The following EYA2 variants were observed in gnomAD, a reference collection of about 807,000 sequenced individuals.
The protein encoded by EYA2 is EYA transcriptional coactivator and phosphatase 2.
Under a neutral mutation model 69.2 loss-of-function variants are expected in EYA2, and 31 were observed. The observed-to-expected ratio is 0.45, with a 90% CI of 0.34 to 0.60. EYA2 has a LOEUF of 0.60. Ranked by LOEUF, EYA2 falls within the 20% of genes least tolerant of loss-of-function variation. The pLI, the probability that EYA2 is intolerant of heterozygous loss-of-function variation, is 0.02. For synonymous variants in EYA2, 257 were observed against 279.4 expected (o/e 0.92, Z 0.80); for missense variants, 622 against 701.2 (o/e 0.89, Z 1.28).
intron 5 of EYA2, 183 bp from the exon 6 acceptor site, chr20:47,072,002 A>G (rs2031329920): frequency 1.6e-6 from 1 of 639,698 alleles, no homozygotes; most frequent in Non-Finnish European, 2.8e-6. Context: ...ATTAGTGTCA[A>G]CAAGTCTCAC....
intron 5 of EYA2, among the ~76,000 whole-genome samples, chr20:47,025,009 G>C (rs909720876): frequency 6.6e-6 from 1 of 152,152 alleles, no homozygotes; most frequent in Admixed American, 6.5e-5. Flanking sequence ...CCTCAGTTTG[G>C]TTACATGTTC....
chr20:47,110,148 A>G (rs763967669), intron 9 of EYA2, among the ~76,000 whole-genome samples: 21 of 152,326 alleles, frequency 1.4e-4, no homozygotes, highest in Non-Finnish European at 2.6e-4. Context: ...TCATTTCCAG[A>G]GAAACTGAGG....
At chr20:47,012,904 C>CT (rs1482601971) in intron 4 of EYA2, among the ~76,000 whole-genome samples, 3 of 152,210 alleles carry the variant, frequency 2.0e-5, no homozygotes, top group Admixed American at 6.5e-5. Context: ...TTCTCAGTGT[C>CT]TGACTTTCTC....
At chr20:47,004,345 C>T (rs1041993804) in intron 3 of EYA2, among the ~76,000 whole-genome samples, 5 of 152,194 alleles carry the variant, frequency 3.3e-5, no homozygotes, top group South Asian at 2.1e-4. Context: ...TAGCTAAGAG[C>T]AGGACATCTT....
intron 10 of EYA2, among the ~76,000 whole-genome samples, chr20:47,168,165 T>A (rs1300091336): frequency 2.0e-5 from 3 of 150,926 alleles, no homozygotes; most frequent in African/African-American, 7.4e-5. Flanking sequence ...GTTTTCATTG[T>A]CCCCACCCCG....
intron 10 of EYA2, among the ~76,000 whole-genome samples, chr20:47,158,784 A>C (rs909386782): frequency 6.6e-6 from 1 of 151,958 alleles, no homozygotes; most frequent in African/African-American, 2.4e-5. Context: ...ACAGGATCCA[A>C]CTGAAAAGAG....
rs577919665 is a variant in EYA2, at chr20:46,968,972, CA to C, written c.-10-21028del. On this transcript the variant is annotated intron_variant, in intron 1 of 15. Coordinates refer to ENST00000327619, the MANE Select transcript of EYA2 (RefSeq NM_005244.5). ...ATTAAATCAACCAGTGTATGGAAAG[CA>C]GCTAACAGTGCTGAGTGCATAATGA... 4.6e-5 allele frequency among the ~76,000 whole-genome samples: 7 copies of C among 152,320 alleles called. No individual in the cohort carries two copies. The East Asian group carries it at 1.4e-3, about 29-fold the overall frequency.
chr20:46,972,045 CA>C (rs1335539826), intron 1 of EYA2, among the ~76,000 whole-genome samples: 2 of 152,022 alleles, frequency 1.3e-5, no homozygotes, highest in Non-Finnish European at 2.9e-5. Context: ...GGATAGGAAG[CA>C]GGGGGTGATT....
intron 5 of EYA2, among the ~76,000 whole-genome samples, chr20:47,050,620 GA>G (rs1333565784): frequency 6.6e-6 from 1 of 152,246 alleles, no homozygotes; most frequent in Non-Finnish European, 1.5e-5. Context: ...TTAAGGAAAG[GA>G]GTGAATTATA....
intron 9 of EYA2, among the ~76,000 whole-genome samples, chr20:47,110,682 C>A (rs1376627027): frequency 1.3e-5 from 2 of 152,246 alleles, no homozygotes; most frequent in African/African-American, 4.8e-5. Context: ...CAATACCCAG[C>A]ACAGTACCTG....
intron 1 of EYA2, among the ~76,000 whole-genome samples, chr20:46,984,168 C>T (rs1981024478): frequency 6.6e-6 from 1 of 152,024 alleles, no homozygotes; most frequent in African/African-American, 2.4e-5. Context: ...AATAGTTTAA[C>T]ATGTAGACAA....
At chr20:47,182,295 A>G (rs13045448) in intron 14 of EYA2, among the ~76,000 whole-genome samples, 68,719 of 150,520 alleles carry the variant, frequency 0.46, 15,942 homozygotes, top group African/African-American at 0.51. Flanking sequence ...GATTACAGGC[A>G]TGAACCACCG....
At chr20:47,017,145 T>C (rs747115913) in intron 5 of EYA2, among the ~76,000 whole-genome samples, 7 of 152,178 alleles carry the variant, frequency 4.6e-5, no homozygotes, top group Non-Finnish European at 8.8e-5. Flanking sequence ...AGAACCCTTC[T>C]CTGTTCTGGT....
intron 1 of EYA2, among the ~76,000 whole-genome samples, chr20:46,938,731 C>G (rs1275417784): frequency 6.6e-6 from 1 of 152,142 alleles, no homozygotes; most frequent in Non-Finnish European, 1.5e-5. Context: ...GTCAGAGTGA[C>G]ATACCATCAC....
At chr20:47,060,205 A>G (rs970216522) in intron 5 of EYA2, among the ~76,000 whole-genome samples, 11 of 152,258 alleles carry the variant, frequency 7.2e-5, no homozygotes, top group Non-Finnish European at 1.0e-4. Flanking sequence ...TGGCTAAACT[A>G]TAATCACGTT....
Position 47,069,756 on chromosome 20 carries a change from A to T in EYA2, c.416-2429A>T, listed in dbSNP as rs184134537. 2.0e-3 allele frequency among the ~76,000 whole-genome samples: 304 copies of T among 152,234 alleles called. 1 individual carries two copies. Among genetic ancestry groups the T allele is most frequent in the Non-Finnish European group, 3.2e-3 (221 of 68,004 alleles). ...CCTACTGTGTACCCACAAAAATTTT[A>T]AAAAATAATAAAATCAGTGGGAGAA... On this transcript the variant is annotated intron_variant, in intron 5 of 15. Coordinates refer to ENST00000327619, the MANE Select transcript of EYA2 (RefSeq NM_005244.5).
intron 1 of EYA2, among the ~76,000 whole-genome samples, chr20:46,897,121 TA>T (rs761987696): frequency 2.0e-5 from 3 of 152,344 alleles, no homozygotes; most frequent in Admixed American, 6.5e-5. Context: ...GTTATAGGAT[TA>T]CCATTTGGCA....
intron 1 of EYA2, among the ~76,000 whole-genome samples, chr20:46,898,319 G>A (rs182561004): frequency 4.7e-4 from 70 of 149,930 alleles, no homozygotes; most frequent in African/African-American, 1.6e-3. Context: ...AAAGGAGTTG[G>A]TAGACTGTGC....
intron 7 of EYA2, among the ~76,000 whole-genome samples, chr20:47,080,707 G>T (rs915294918): frequency 3.9e-5 from 6 of 152,122 alleles, no homozygotes; most frequent in African/African-American, 1.4e-4. Flanking sequence ...GTTCCATGTG[G>T]CTGGGGAAGC....
Sources: gnomAD v4.1 joint callset for allele counts (sites outside exome capture counted in the v4.1 genomes callset) on GRCh38, gnomAD v4.1.1 for gene constraint, MANE v1.5 for transcripts, NCBI Gene and HGNC (gene_info 2026-07-23, HGNC 2026-07-21) for gene names.